Variants in DGKB observed in about 807,000 individuals in gnomAD.
DGKB encodes diacylglycerol kinase beta, also known as 90 kDa diacylglycerol kinase.
Under a neutral mutation model 114.3 loss-of-function variants are expected in DGKB, and 67 were observed. The ratio of observed to expected loss-of-function variants is 0.59; its 90% confidence interval spans 0.48 to 0.72. The LOEUF (loss-of-function observed/expected upper bound fraction) is 0.72, where lower values mean the gene tolerates loss of function less well. Among genes scored for constraint, DGKB ranks in the 30% least tolerant of loss-of-function variants. The pLI is 0.00. For synonymous variants in DGKB, 398 were observed against 323.1 expected, an observed-to-expected ratio of 1.23 and a Z score of -2.49; for missense variants, 907 against 975.2, an observed-to-expected ratio of 0.93 and a Z score of 0.93.
intron 1 of DGKB, among the ~76,000 whole-genome samples, chr7:14,885,965 G>A (rs1340814110): frequency 6.6e-6 from 1 of 151,542 alleles, no homozygotes; most frequent in African/African-American, 2.4e-5. Context: ...AATAAAGGAA[G>A]GATCTACTGA....
At chr7:14,159,786 C>T (rs1275629765) in intron 25 of DGKB, among the ~76,000 whole-genome samples, 2 of 152,126 alleles carry the variant, frequency 1.3e-5, no homozygotes, top group Non-Finnish European at 2.9e-5. Context: ...GATTCTTCTG[C>T]CTTAGCTTCC....
intron 21 of DGKB, among the ~76,000 whole-genome samples, chr7:14,389,015 C>T (rs1820888973): frequency 6.6e-6 from 1 of 152,240 alleles, no homozygotes; most frequent in Non-Finnish European, 1.5e-5. Context: ...ATAGCCTCCT[C>T]AGACCTTGCC....
At chr7:14,863,686 T>A (rs191354068) in intron 1 of DGKB, among the ~76,000 whole-genome samples, 3 of 152,244 alleles carry the variant, frequency 2.0e-5, no homozygotes, top group Admixed American at 2.0e-4. Context: ...TTGATCTACA[T>A]GTACATTATA....
rs1812369484 is a variant in DGKB at position 14,345,721 on chromosome 7, GA to G, written c.1836-331del. ...AAAAGTGAAGAATGTACAATAGTGG[GA>G]AATTATGATACAGCATAAAGTTTTT... On this transcript the variant is annotated intron_variant, in intron 21 of 25. Transcript: ENST00000402815. Among the ~76,000 whole-genome samples, 8 of 151,632 alleles carry G rather than the reference GA, an allele frequency of 5.3e-5. No homozygotes were observed. In the South Asian group the frequency reaches 1.7e-3, roughly 31 times the overall value.
chr7:14,892,949 CATAT>C (rs1781505508), intron 1 of DGKB, among the ~76,000 whole-genome samples: 1 of 149,334 alleles, frequency 6.7e-6, no homozygotes, highest in Non-Finnish European at 1.5e-5. Flanking sequence ...TATACACACA[CATAT>C]GTGTGTGTAT....
At chr7:14,412,277 A>G (rs1825014848) in intron 21 of DGKB, among the ~76,000 whole-genome samples, 3 of 152,322 alleles carry the variant, frequency 2.0e-5, no homozygotes, top group Middle Eastern at 6.8e-3. Flanking sequence ...AGCAAACAAT[A>G]TATTGGGAAG....
At chr7:14,511,552 A>G (rs1465722053) in intron 20 of DGKB, among the ~76,000 whole-genome samples, 2 of 152,214 alleles carry the variant, frequency 1.3e-5, no homozygotes, top group African/African-American at 4.8e-5. Context: ...CTTGCTCCAT[A>G]TCAGTAATAA....
At chr7:14,742,974 A>T (rs1832776740) in intron 4 of DGKB, among the ~76,000 whole-genome samples, 1 of 152,212 alleles carries the variant, frequency 6.6e-6, no homozygotes, top group South Asian at 2.1e-4. Flanking sequence ...AATCCTGTGT[A>T]TGAACATTGA....
At chr7:14,381,668 G>A (rs969859404) in intron 21 of DGKB, among the ~76,000 whole-genome samples, 4 of 152,102 alleles carry the variant, frequency 2.6e-5, no homozygotes, top group Admixed American at 6.6e-5. Context: ...CTATCCACAG[G>A]CGTGATCATA....
At chr7:14,536,968 A>G (rs910603315) in intron 20 of DGKB, among the ~76,000 whole-genome samples, 1 of 152,220 alleles carries the variant, frequency 6.6e-6, no homozygotes, top group African/African-American at 2.4e-5. Flanking sequence ...AAATGAATCA[A>G]GTTACAAGAT....
intron 21 of DGKB, among the ~76,000 whole-genome samples, chr7:14,378,950 A>G (rs1818933346): frequency 6.6e-6 from 1 of 152,140 alleles, no homozygotes; most frequent in Admixed American, 6.5e-5. Context: ...GTTGTTAGCA[A>G]AACTGATTTG....
chr7:14,626,765 G>A (rs1483612595), intron 14 of DGKB, among the ~76,000 whole-genome samples: 1 of 152,096 alleles, frequency 6.6e-6, no homozygotes, highest in Non-Finnish European at 1.5e-5. Flanking sequence ...AGTTTTGATT[G>A]TTTTTAATTA....
intron 2 of DGKB, among the ~76,000 whole-genome samples, chr7:14,778,251 T>C (rs148796169): frequency 1.3e-5 from 2 of 152,282 alleles, no homozygotes; most frequent in Non-Finnish European, 2.9e-5. Context: ...TATCTGTAAA[T>C]AAAGATGACA....
At chr7:14,246,159 T>C (rs1323490351) in intron 23 of DGKB, among the ~76,000 whole-genome samples, 1 of 152,162 alleles carries the variant, frequency 6.6e-6, no homozygotes, top group Non-Finnish European at 1.5e-5. Flanking sequence ...GGTTTCTCTA[T>C]ATATTACTGC....
intron 21 of DGKB, among the ~76,000 whole-genome samples, chr7:14,451,044 C>T (rs1831408363): frequency 6.6e-6 from 1 of 152,022 alleles, no homozygotes; most frequent in Non-Finnish European, 1.5e-5. Flanking sequence ...CAGGTGGCTT[C>T]TGCTACCTTT....
chr7:14,200,420 C>T (rs1430642584), intron 23 of DGKB, among the ~76,000 whole-genome samples: 1 of 151,982 alleles, frequency 6.6e-6, no homozygotes. Flanking sequence ...TTTAGTGCAA[C>T]TCATGTATTC....
chr7:14,279,908 A>G (rs1193987562), intron 23 of DGKB, among the ~76,000 whole-genome samples: 1 of 151,972 alleles, frequency 6.6e-6, no homozygotes, highest in Non-Finnish European at 1.5e-5. Flanking sequence ...AAAGATGGGG[A>G]AAAAAACAGA....
chr7:14,947,079 AAAAAG>A (rs1338091665), intron 1 of DGKB, among the ~76,000 whole-genome samples: 25 of 151,692 alleles, frequency 1.6e-4, no homozygotes, highest in Non-Finnish European at 3.0e-5. Flanking sequence ...AGAAAATAAA[AAAAAG>A]AAATCAATAT....
At chr7:14,499,282 A>G (rs1785764699) in intron 20 of DGKB, among the ~76,000 whole-genome samples, 1 of 151,652 alleles carries the variant, frequency 6.6e-6, no homozygotes, top group Non-Finnish European at 1.5e-5. Flanking sequence ...AGGAGTTAAT[A>G]TCATTTATTA....
Sources: allele counts gnomAD v4.1 joint callset (sites outside exome capture counted in the v4.1 genomes callset), GRCh38; gene constraint gnomAD v4.1.1; transcripts MANE v1.5; gene names NCBI Gene and HGNC (gene_info 2026-07-23, HGNC 2026-07-21).